Variants in GULP1 observed in about 807,000 individuals in gnomAD.
GULP1 encodes PTB domain-containing engulfment adapter protein 1.
GULP1 carries 19 observed loss-of-function variants against 40.9 expected under a neutral mutation model. The ratio of observed to expected loss-of-function variants is 0.46; its 90% CI spans 0.32 to 0.68. The LOEUF (loss-of-function observed/expected upper bound fraction) is 0.68, where lower values mean the gene tolerates loss of function less well. GULP1 is among the 30% of genes least tolerant of loss of function. The probability of loss-of-function intolerance (pLI) is 0.03; values close to 1 mark genes in which losing one functional copy is unlikely to be tolerated. For missense variants in GULP1, 312 were observed against 362.2 expected, an observed-to-expected ratio of 0.86 and a Z score of 1.12; for synonymous variants, 119 against 117.6, an observed-to-expected ratio of 1.01 and a Z score of -0.08.
chr2:188,462,952 C>T (rs1301790337), intron 2 of GULP1, among the ~76,000 whole-genome samples: 1 of 151,996 alleles, frequency 6.6e-6, no homozygotes, highest in East Asian at 1.9e-4. Flanking sequence ...TTTTTTGTTA[C>T]TACTTATATC....
At chr2:188,418,710 C>T (rs935808692) in intron 2 of GULP1, among the ~76,000 whole-genome samples, 4 of 152,146 alleles carry the variant, frequency 2.6e-5, no homozygotes, top group Non-Finnish European at 5.9e-5. Flanking sequence ...TTTTAGATGA[C>T]ATTTTAAAAA....
At chr2:188,514,264 T>A (rs937598113) in intron 4 of GULP1, among the ~76,000 whole-genome samples, 1 of 152,210 alleles carries the variant, frequency 6.6e-6, no homozygotes, top group Admixed American at 6.5e-5. Context: ...GTGTTTAACA[T>A]TGGAAGTATT....
At chr2:188,304,802 A>T (rs112038580) in intron 1 of GULP1, among the ~76,000 whole-genome samples, 67 of 152,320 alleles carry the variant, frequency 4.4e-4, no homozygotes, top group African/African-American at 1.5e-3. Context: ...ATAAAGCATA[A>T]AAATTAATGC....
rs2033983644 is a variant in GULP1 at position 188,292,499 on chromosome 2, G to C, written c.-172+333G>C. Among the ~76,000 whole-genome samples the C allele has an allele frequency of 6.6e-6, 1 of 152,194 alleles. No homozygotes were observed. The highest frequency in any genetic ancestry group is 2.1e-4 in the South Asian group (1 of 4,836). On this transcript the variant is annotated intron_variant, in intron 1 of 11. Coordinates refer to ENST00000409830, the MANE Select transcript of GULP1 (RefSeq NM_016315.4). This position sits in a 1 kb window ranked among gnomAD's most constrained non-coding sequence, Gnocchi z 4.0. The stretch of plus-strand genomic sequence containing the variant: ...GCTCCAGAAACCTCCTTAGCCTTTT[G>C]TGGTAACTTTGGTCCGGCGGCGGGG...
At chr2:188,571,634 C>T (rs971138668) in intron 9 of GULP1, among the ~76,000 whole-genome samples, 3 of 152,048 alleles carry the variant, frequency 2.0e-5, no homozygotes, top group Non-Finnish European at 4.4e-5. Context: ...TTTTTTCTTG[C>T]CTCTCTCGCT....
At chr2:188,515,058 T>C (rs1472905387) in intron 4 of GULP1, among the ~76,000 whole-genome samples, 1 of 152,204 alleles carries the variant, frequency 6.6e-6, no homozygotes, top group African/African-American at 2.4e-5. Flanking sequence ...TTCTCTGAGG[T>C]AAATACTCAA....
At chr2:188,497,476 T>A (rs945990948) in intron 4 of GULP1, among the ~76,000 whole-genome samples, 2 of 152,032 alleles carry the variant, frequency 1.3e-5, no homozygotes, top group Non-Finnish European at 2.9e-5. Flanking sequence ...AATGACTTTG[T>A]TGTCTGTTTC....
chr2:188,297,631 G>T (rs1469111160), intron 1 of GULP1: 1 of 404,390 alleles, frequency 2.5e-6, no homozygotes, highest in East Asian at 9.6e-5. Flanking sequence ...ACTGAATACT[G>T]TGGGCTCAGT....
At chr2:188,585,508 G>A (rs754864386) in intron 10 of GULP1, among the ~76,000 whole-genome samples, 4 of 152,202 alleles carry the variant, frequency 2.6e-5, no homozygotes, top group Non-Finnish European at 4.4e-5. Context: ...TCTAGGCAGA[G>A]GCTCCCAAAG....
At chr2:188,543,373 G>A (rs1691040158) in intron 7 of GULP1, among the ~76,000 whole-genome samples, 1 of 152,030 alleles carries the variant, frequency 6.6e-6, no homozygotes, top group African/African-American at 2.4e-5. Context: ...GGTAGAGGAA[G>A]TCTTGGCTTT....
At chr2:188,468,108 T>G (rs2060275954) in intron 2 of GULP1, among the ~76,000 whole-genome samples, 2 of 152,202 alleles carry the variant, frequency 1.3e-5, no homozygotes, top group African/African-American at 2.4e-5. Flanking sequence ...TCACTAATTT[T>G]TATTGCTTTA....
chr2:188,387,523 A>G (rs933480313), intron 2 of GULP1, among the ~76,000 whole-genome samples: 1 of 152,160 alleles, frequency 6.6e-6, no homozygotes, highest in African/African-American at 2.4e-5. Context: ...AAGTGACAAG[A>G]AAGAAGTAAA....
At chr2:188,467,102 A>G (rs2060190530) in intron 2 of GULP1, among the ~76,000 whole-genome samples, 1 of 152,118 alleles carries the variant, frequency 6.6e-6, no homozygotes, top group African/African-American at 2.4e-5. Context: ...GTCTGGGGAC[A>G]TGACACAGTT....
At chr2:188,528,435 C>T (rs184622998) in intron 5 of GULP1, among the ~76,000 whole-genome samples, 113 of 151,630 alleles carry the variant, frequency 7.5e-4, no homozygotes, top group African/African-American at 2.5e-3. Context: ...ATAACAGAAT[C>T]GAACAAGCAT....
intron 1 of GULP1, among the ~76,000 whole-genome samples, chr2:188,314,623 T>C (rs1199750020): frequency 6.6e-6 from 1 of 152,186 alleles, no homozygotes; most frequent in Non-Finnish European, 1.5e-5. Context: ...ACAGGCTAAG[T>C]AGATTATACT....
chr2:188,526,217 AT>A (rs1205651433), intron 5 of GULP1, among the ~76,000 whole-genome samples: 1 of 152,160 alleles, frequency 6.6e-6, no homozygotes. Flanking sequence ...CTTCCCCATC[AT>A]TTTATGATGA....
chr2:188,399,286 G>T (rs1224645549), intron 2 of GULP1, among the ~76,000 whole-genome samples: 1 of 152,108 alleles, frequency 6.6e-6, no homozygotes, highest in East Asian at 1.9e-4. Context: ...AACAGCAGTG[G>T]GTACTTCTGT....
chr2:188,454,216 T>C (rs565196163), intron 2 of GULP1, among the ~76,000 whole-genome samples: 1 of 152,174 alleles, frequency 6.6e-6, no homozygotes, highest in Non-Finnish European at 1.5e-5. Context: ...AATAATTTTA[T>C]TGAGTGATGG....
At chr2:188,396,074 A>T (rs552429791) in intron 2 of GULP1, among the ~76,000 whole-genome samples, 1 of 152,284 alleles carries the variant, frequency 6.6e-6, no homozygotes, top group East Asian at 1.9e-4. Context: ...CTGCCTGCAG[A>T]TGCTATAATG....
Sources: allele counts gnomAD v4.1 joint callset (sites outside exome capture counted in the v4.1 genomes callset), GRCh38; gene constraint gnomAD v4.1.1; non-coding constraint Gnocchi (gnomAD v3.1); transcripts MANE v1.5; gene names NCBI Gene and HGNC (gene_info 2026-07-23, HGNC 2026-07-21).